Variants in SLC9A9 observed in about 807,000 individuals in gnomAD.
SLC9A9 encodes sodium/hydrogen exchanger 9.
SLC9A9 carries 62 observed loss-of-function variants against 77.8 expected under a neutral mutation model. The observed-to-expected ratio is 0.80, with a 90% CI of 0.65 to 0.98. The LOEUF (loss-of-function observed/expected upper bound fraction) is 0.98, where lower values mean the gene tolerates loss of function less well. Ranked by LOEUF, SLC9A9 falls within the 50% of genes least tolerant of loss-of-function variation. The probability of loss-of-function intolerance (pLI) is 0.00; values close to 1 mark genes in which losing one functional copy is unlikely to be tolerated. For synonymous variants in SLC9A9, 320 were observed against 283.5 expected (o/e 1.13, Z -1.29); for missense variants, 775 against 774.9 (o/e 1.00, Z 0.00).
intron 8 of SLC9A9, among the ~76,000 whole-genome samples, chr3:143,556,130 C>T (rs1447878261): frequency 6.6e-6 from 1 of 152,176 alleles, no homozygotes; most frequent in African/African-American, 2.4e-5. Context: ...TATGAAAGAA[C>T]ATTTTAATTA....
At chr3:143,755,971 A>G (rs2006911356) in intron 4 of SLC9A9, among the ~76,000 whole-genome samples, 1 of 152,144 alleles carries the variant, frequency 6.6e-6, no homozygotes, top group South Asian at 2.1e-4. Context: ...AAGAAGATAA[A>G]CACTACATAA....
intron 14 of SLC9A9, among the ~76,000 whole-genome samples, chr3:143,332,386 T>C (rs2035208200): frequency 6.6e-6 from 1 of 152,218 alleles, no homozygotes; most frequent in Non-Finnish European, 1.5e-5. Flanking sequence ...CAAAGATTTT[T>C]AAATAGGGAA....
chr3:143,615,705 T>C (rs987361091), intron 6 of SLC9A9, among the ~76,000 whole-genome samples: 2 of 152,140 alleles, frequency 1.3e-5, no homozygotes, highest in East Asian at 3.9e-4. Context: ...TTAAGTATTA[T>C]AAACAAATTT....
At chr3:143,647,153 A>T (rs2038720912) in intron 6 of SLC9A9, among the ~76,000 whole-genome samples, 1 of 152,184 alleles carries the variant, frequency 6.6e-6, no homozygotes, top group Admixed American at 6.5e-5. Context: ...CCATCCTGTG[A>T]GGTAAGTGCT....
At chr3:143,286,607 T>C (rs1243266029) in intron 14 of SLC9A9, among the ~76,000 whole-genome samples, 1 of 152,210 alleles carries the variant, frequency 6.6e-6, no homozygotes, top group Admixed American at 6.5e-5. Context: ...CCTCACAGAA[T>C]GTTCTTGCTC....
intron 12 of SLC9A9, among the ~76,000 whole-genome samples, chr3:143,397,534 A>T (rs2033756819): frequency 6.6e-6 from 1 of 152,242 alleles, no homozygotes; most frequent in South Asian, 2.1e-4. Flanking sequence ...CTAAAACCTG[A>T]AAACCATTGT....
intron 6 of SLC9A9, among the ~76,000 whole-genome samples, chr3:143,611,653 G>A (rs1042506221): frequency 6.6e-6 from 1 of 152,110 alleles, no homozygotes; most frequent in African/African-American, 2.4e-5. Context: ...AAAATAATAG[G>A]TAGACTCAGA....
At chr3:143,709,647 C>T (rs1424217613) in intron 4 of SLC9A9, among the ~76,000 whole-genome samples, 2 of 152,086 alleles carry the variant, frequency 1.3e-5, no homozygotes, top group African/African-American at 2.4e-5. Flanking sequence ...CACTAAATAC[C>T]CACTGCTTGG....
intron 4 of SLC9A9, among the ~76,000 whole-genome samples, chr3:143,722,809 T>A (rs75690288): frequency 0.026 from 4,008 of 152,294 alleles, 177 homozygotes; most frequent in African/African-American, 0.093. Context: ...TACCTGTTCT[T>A]TCTACATAAA....
chr3:143,825,766 G>C (rs1054765146), intron 2 of SLC9A9, among the ~76,000 whole-genome samples: 2 of 152,186 alleles, frequency 1.3e-5, no homozygotes, highest in African/African-American at 4.8e-5. Flanking sequence ...TTGCATTACA[G>C]TCAACTTATC....
chr3:143,302,028 T>C (rs1393072), intron 14 of SLC9A9, among the ~76,000 whole-genome samples: 120,829 of 152,120 alleles, frequency 0.79, 48,119 homozygotes, highest in East Asian at 0.97. Flanking sequence ...AGTGAGAGGG[T>C]TGGGGAGAGA....
chr3:143,755,649 G>GCAGGAATAGCAGGAATAGCAATCTTTA, intron 4 of SLC9A9, among the ~76,000 whole-genome samples: 1 of 151,956 alleles, frequency 6.6e-6, no homozygotes, highest in Non-Finnish European at 1.5e-5. Flanking sequence ...ATAGAAATAT[G>GCAGGAATAGCAGGAATAGCAATCTTTA]GCAGGATTGC....
intron 12 of SLC9A9, among the ~76,000 whole-genome samples, chr3:143,435,364 T>C (rs1219298896): frequency 6.6e-6 from 1 of 152,166 alleles, no homozygotes; most frequent in African/African-American, 2.4e-5. Context: ...TCCAATGGCG[T>C]TGTGTTTCTT....
chr3:143,713,083 T>C (rs1472280384), intron 4 of SLC9A9, among the ~76,000 whole-genome samples: 1 of 152,144 alleles, frequency 6.6e-6, no homozygotes, highest in Non-Finnish European at 1.5e-5. Flanking sequence ...TCAACAGGTT[T>C]AATCCTTCAC....
intron 12 of SLC9A9, among the ~76,000 whole-genome samples, chr3:143,449,881 TAA>T (rs1576505926): frequency 1.3e-5 from 1 of 79,310 alleles, no homozygotes; most frequent in Non-Finnish European, 2.1e-5. Flanking sequence ...TATAATTATA[TAA>T]ATATATAATT....
intron 14 of SLC9A9, among the ~76,000 whole-genome samples, chr3:143,288,347 TACGCAGCTC>T (rs931250532): frequency 2.6e-5 from 4 of 152,192 alleles, no homozygotes; most frequent in African/African-American, 9.6e-5. Flanking sequence ...TAAGTATAAA[TACGCAGCTC>T]AGGTTCTACT....
At chr3:143,486,825 A>C (rs2035660939) in intron 11 of SLC9A9, among the ~76,000 whole-genome samples, 1 of 152,102 alleles carries the variant, frequency 6.6e-6, no homozygotes, top group African/African-American at 2.4e-5. Flanking sequence ...ATTTCACTGC[A>C]AAGAATCAAC....
At chr3:143,379,156 G>T (rs1396281898) in intron 13 of SLC9A9, among the ~76,000 whole-genome samples, 2 of 152,228 alleles carry the variant, frequency 1.3e-5, no homozygotes, top group South Asian at 4.2e-4. Context: ...TGTTAAGGCT[G>T]CCCATTACAA....
In SLC9A9 at chr3:143,501,854, G is replaced by A. The variant is rs960025054; in HGVS notation, c.1090-6406C>T. Among the ~76,000 whole-genome samples the A allele has an allele frequency of 8.0e-5, 12 of 150,690 alleles. 2 individuals carry two copies. Among genetic ancestry groups the A allele is most frequent in the African/African-American group, 2.7e-4 (11 of 40,072 alleles). On this transcript the variant is annotated intron_variant, in intron 9 of 15. Coordinates refer to ENST00000316549, the MANE Select transcript of SLC9A9 (RefSeq NM_173653.4). The stretch of plus-strand genomic sequence containing the variant: ...GTTTCATATGCCAAAATCTCCTGAA[G>A]GCATGTTTCAAAGGGAGAATCTATA...
Sources: allele counts gnomAD v4.1 joint callset (sites outside exome capture counted in the v4.1 genomes callset), GRCh38; gene constraint gnomAD v4.1.1; transcripts MANE v1.5; gene names NCBI Gene and HGNC (gene_info 2026-07-23, HGNC 2026-07-21).